The following SLMAP variants were observed in gnomAD, a reference collection of about 807,000 sequenced individuals.
SLMAP encodes sarcolemmal membrane-associated protein.
Under a neutral mutation model 128.8 loss-of-function variants are expected in SLMAP, and 44 were observed. The ratio of observed to expected loss-of-function variants is 0.34; its 90% CI spans 0.27 to 0.44. The LOEUF (loss-of-function observed/expected upper bound fraction) is 0.44, where lower values mean the gene tolerates loss of function less well. Ranked by LOEUF, SLMAP falls within the 20% of genes least tolerant of loss-of-function variation. SLMAP has a pLI of 1.00. For missense variants in SLMAP, 787 were observed against 985.3 expected (o/e 0.80, Z 2.69); for synonymous variants, 327 against 348.8 (o/e 0.94, Z 0.70).
chr3:57,839,245 T>C (rs547264810), intron 3 of SLMAP, among the ~76,000 whole-genome samples: 2 of 152,110 alleles, frequency 1.3e-5, no homozygotes, highest in East Asian at 1.9e-4. Flanking sequence ...TGCCAATAGA[T>C]GGTTCTTGAT....
chr3:57,797,499 A>G (rs1247796919), intron 2 of SLMAP, among the ~76,000 whole-genome samples: 1 of 151,656 alleles, frequency 6.6e-6, no homozygotes, highest in Admixed American at 6.6e-5. Flanking sequence ...AAAAAAAAAA[A>G]GTACGAGGCA....
In SLMAP at chr3:57,756,656, C is replaced by G. The variant is rs1478007246; in HGVS notation, c.-996C>G. 1.3e-5 allele frequency: 2 copies of G among 152,384 alleles called. No homozygotes were observed. Among genetic ancestry groups the G allele is most frequent in the Non-Finnish European group, 1.5e-5 (1 of 68,180 alleles). 9.4% of individuals were successfully genotyped at this position (152,384 alleles called of 1,614,324 possible). ...CGGGGCCTCAAGGCCTCTCCCCAAC[C>G]TCCGGGCCAGTCTCCCTCCCCCACC... On this transcript the variant is annotated 5_prime_UTR_variant, in exon 2 of 25. Coordinates refer to ENST00000671191, the MANE Select transcript of SLMAP (RefSeq NM_001377540.1).
At chr3:57,901,148 T>C (rs549640950) in intron 17 of SLMAP, 1 of 152,428 alleles carries the variant, frequency 6.6e-6, no homozygotes, top group Admixed American at 6.5e-5. Context: ...GCTTCTCCCA[T>C]ATGGTTCCCT....
intron 6 of SLMAP, among the ~76,000 whole-genome samples, chr3:57,855,962 GA>G (rs1226263816): frequency 6.6e-6 from 1 of 151,890 alleles, no homozygotes; most frequent in East Asian, 1.9e-4. Context: ...AGAATTGCTT[GA>G]ACCCAAGAGG....
At chr3:57,869,662 T>TATATAAA (rs1560338673) in intron 13 of SLMAP, among the ~76,000 whole-genome samples, 1 of 113,374 alleles carries the variant, frequency 8.8e-6, no homozygotes, top group South Asian at 2.8e-4. Context: ...ATATATATAA[T>TATATAAA]ATATATAAAC....
In SLMAP at chr3:57,797,209, G is replaced by A. The variant is rs531157237; in HGVS notation, c.199-34174G>A. On this transcript the variant is annotated intron_variant, in intron 2 of 24. Coordinates refer to ENST00000671191, the MANE Select transcript of SLMAP (RefSeq NM_001377540.1). ...AAAAAAAAAAAAAAAAAAAAGCCAG[G>A]TGTGGTGGCTCACGCCTGTAATCCC... Among the ~76,000 whole-genome samples the A allele has an allele frequency of 1.3e-3, 194 of 149,878 alleles. 1 individual carries two copies. Among genetic ancestry groups the A allele is most frequent in the African/African-American group, 4.4e-3 (182 of 40,988 alleles).
intron 3 of SLMAP, among the ~76,000 whole-genome samples, chr3:57,835,828 C>T (rs1053959468): frequency 2.0e-5 from 3 of 152,042 alleles, no homozygotes; most frequent in South Asian, 2.1e-4. Context: ...AGCAAACTGT[C>T]GAAGGATTTG....
intron 22 of SLMAP, chr3:57,918,341 A>G (rs969872517): frequency 6.6e-6 from 1 of 152,210 alleles, no homozygotes; most frequent in African/African-American, 2.4e-5. Context: ...ATTTTGTTGC[A>G]TTACTTGTTT....
At chr3:57,863,903 T>C (rs2095207997) in intron 10 of SLMAP, among the ~76,000 whole-genome samples, 1 of 152,218 alleles carries the variant, frequency 6.6e-6, no homozygotes, top group African/African-American at 2.4e-5. Context: ...ATGATAGAAC[T>C]TCAAAATTGA....
rs371049114 is a variant in SLMAP at position 57,850,450 on chromosome 3, G to T, written c.519+634G>T. On this transcript the variant is annotated intron_variant, in intron 6 of 24. Coordinates refer to ENST00000671191, the MANE Select transcript of SLMAP (RefSeq NM_001377540.1). ...CAAATTTTTTTGGAGACAGGGTCTC[G>T]CTCTGTCTCTCAGGCTGAAGTGCAG... Among the ~76,000 whole-genome samples, 3 of 151,980 alleles carry T rather than the reference G, an allele frequency of 2.0e-5. No individual in the cohort carries two copies. In the East Asian group the frequency reaches 5.8e-4, roughly 29 times the overall value.
intron 2 of SLMAP, among the ~76,000 whole-genome samples, chr3:57,820,231 T>G (rs1207012423): frequency 6.6e-6 from 1 of 152,106 alleles, no homozygotes; most frequent in Non-Finnish European, 1.5e-5. Context: ...ATACATGACA[T>G]TTGGGTAAAA....
At chr3:57,877,989 C>G (rs866057390) in intron 14 of SLMAP, among the ~76,000 whole-genome samples, 1 of 151,758 alleles carries the variant, frequency 6.6e-6, no homozygotes, top group Non-Finnish European at 1.5e-5. Flanking sequence ...CACCCGCTAC[C>G]ATACCCGGCT....
chr3:57,887,959 C>T (rs1056843975), intron 14 of SLMAP, among the ~76,000 whole-genome samples: 1 of 152,176 alleles, frequency 6.6e-6, no homozygotes, highest in African/African-American at 2.4e-5. Flanking sequence ...AAAGTATTTC[C>T]TGTAGATTTG....
chr3:57,828,316 A>G (rs1400765491), intron 2 of SLMAP, among the ~76,000 whole-genome samples: 3 of 152,248 alleles, frequency 2.0e-5, no homozygotes, highest in Non-Finnish European at 4.4e-5. Flanking sequence ...AATAACTTCT[A>G]TACATAATGT....
At chr3:57,914,523 A>G (rs2096768398) in intron 21 of SLMAP, among the ~76,000 whole-genome samples, 1 of 152,284 alleles carries the variant, frequency 6.6e-6, no homozygotes, top group South Asian at 2.1e-4. Context: ...TATGTATATG[A>G]TATATATCAT....
chr3:57,806,603 A>G (rs919503508), intron 2 of SLMAP, among the ~76,000 whole-genome samples: 2 of 151,348 alleles, frequency 1.3e-5, no homozygotes, highest in African/African-American at 4.9e-5. Flanking sequence ...ATGCCTGGCC[A>G]ATTTTTTTGT....
chr3:57,835,608 G>T (rs151095503), intron 3 of SLMAP, among the ~76,000 whole-genome samples: 16 of 152,098 alleles, frequency 1.1e-4, no homozygotes, highest in South Asian at 2.1e-4. Flanking sequence ...TAGTTGTGTC[G>T]CTGAATAACC....
At chr3:57,773,722 A>G (rs2081310294) in intron 2 of SLMAP, among the ~76,000 whole-genome samples, 2 of 152,210 alleles carry the variant, frequency 1.3e-5, no homozygotes, top group Admixed American at 1.3e-4. Context: ...GTAAAATGAT[A>G]AAGATTGGTT....
rs757951758 is a variant in SLMAP, at chr3:57,913,140, GT to G, written c.2021-14del. The G allele has an allele frequency of 9.0e-7, 1 of 1,105,168 alleles. No individual in the cohort carries two copies. The highest frequency in any genetic ancestry group is 1.4e-6 in the Non-Finnish European group (1 of 727,386). 68.5% of individuals were successfully genotyped at this position (1,105,168 alleles called of 1,614,324 possible). A position where few individuals can be genotyped will look rare whatever the true frequency, so the allele number is the denominator to read the frequency against. ...GTTATATTTCTGTATTAACAAATATGTTTTGGGACTATTTTAGGTGAACTAG... is the reference window on the plus strand; with the variant it reads ...GTTATATTTCTGTATTAACAAATATGTTTGGGACTATTTTAGGTGAACTAG... On this transcript the variant is annotated splice_polypyrimidine_tract_variant and intron_variant, in intron 20 of 24. Coordinates refer to ENST00000671191, the MANE Select transcript of SLMAP (RefSeq NM_001377540.1).
Sources: gnomAD v4.1 joint callset for allele counts (sites outside exome capture counted in the v4.1 genomes callset) on GRCh38, gnomAD v4.1.1 for gene constraint, MANE v1.5 for transcripts, NCBI Gene and HGNC (gene_info 2026-07-23, HGNC 2026-07-21) for gene names.